The following CAB39 variants were observed in gnomAD, a reference collection of about 807,000 sequenced individuals.
CAB39 encodes calcium binding protein 39.
Under a neutral mutation model 40.0 loss-of-function variants are expected in CAB39, and 8 were observed. The observed-to-expected ratio is 0.20, with a 90% CI of 0.12 to 0.36. The LOEUF (loss-of-function observed/expected upper bound fraction) is 0.36. Among genes scored for constraint, CAB39 ranks in the 10% least tolerant of loss-of-function variants. The probability of loss-of-function intolerance (pLI) is 1.00; values close to 1 mark genes in which losing one functional copy is unlikely to be tolerated. For synonymous variants in CAB39, 156 were observed against 141.6 expected (o/e 1.10, Z -0.72); for missense variants, 270 against 401.1 (o/e 0.67, Z 2.79).
At position 230,818,743 on chromosome 2, in the gene CAB39, T is replaced by C. The variant is rs1367164753; in HGVS notation, c.*39T>C. ...TCTATGTTAAATCCAAATTCAGCAT[T>C]TGCTGTTAGCTATTCAGCATCAGGC... On this transcript the variant is annotated 3_prime_UTR_variant, in exon 9 of 9. Transcript: ENST00000258418. 8 of 1,529,702 alleles carry C rather than the reference T, an allele frequency of 5.2e-6. No individual in the cohort carries two copies. The highest frequency in any genetic ancestry group is 7.2e-6 in the Non-Finnish European group (8 of 1,108,396). The allele number at this position is 1,529,702 out of a possible 1,614,324, so 94.8% of individuals were successfully genotyped here.
intron 1 of CAB39, among the ~76,000 whole-genome samples, chr2:230,741,032 T>G (rs1177588452): frequency 6.6e-6 from 1 of 152,200 alleles, no homozygotes; most frequent in Admixed American, 6.5e-5. Flanking sequence ...GGATCCAGTT[T>G]GGAGCACCAC....
chr2:230,760,599 T>C (rs996957345), intron 2 of CAB39, among the ~76,000 whole-genome samples: 3 of 152,226 alleles, frequency 2.0e-5, no homozygotes, highest in Non-Finnish European at 4.4e-5. Flanking sequence ...ACTTGAGAGC[T>C]ATAAGTGCCA....
rs116766940 is a variant in CAB39, at chr2:230,764,960, C to T, written c.114+4845C>T. On this transcript the variant is annotated intron_variant, in intron 2 of 8. Coordinates refer to ENST00000258418, the MANE Select transcript of CAB39 (RefSeq NM_016289.4). Reference sequence around the variant, plus strand: ...AAGATTTAATAAAATTAAATTTTTACTGCTTCAGGAACATTCCTAAGTTGG... The same window carrying T: ...AAGATTTAATAAAATTAAATTTTTATTGCTTCAGGAACATTCCTAAGTTGG... Among the ~76,000 whole-genome samples the T allele has an allele frequency of 4.2e-3, 639 of 152,234 alleles. 1 individual carries two copies. The highest frequency in any genetic ancestry group is 0.014 in the African/African-American group (586 of 41,552).
chr2:230,810,373 C>T (rs759379530), intron 6 of CAB39, 51 bp downstream of exon 6: 13 of 696,122 alleles, frequency 1.9e-5, no homozygotes, highest in Non-Finnish European at 2.6e-5. Flanking sequence ...CTTTTGTTAC[C>T]AGAAATGAAA....
chr2:230,774,554 G>A (rs778163843), intron 2 of CAB39, among the ~76,000 whole-genome samples: 1 of 152,056 alleles, frequency 6.6e-6, no homozygotes. Context: ...CGCACTCTTC[G>A]CCCACCACAT....
At chr2:230,766,569 T>C (rs1228234794) in intron 2 of CAB39, among the ~76,000 whole-genome samples, 3 of 152,192 alleles carry the variant, frequency 2.0e-5, no homozygotes, top group African/African-American at 7.2e-5. Context: ...AGGGTCTCAC[T>C]CTATCACTTA....
intron 5 of CAB39, among the ~76,000 whole-genome samples, chr2:230,805,970 A>G (rs1696186444): frequency 6.6e-6 from 1 of 152,244 alleles, no homozygotes. Flanking sequence ...AGGACAGCAG[A>G]TAACAGAGGA....
intron 7 of CAB39, among the ~76,000 whole-genome samples, chr2:230,815,355 A>T (rs1575966443): frequency 6.6e-6 from 1 of 152,360 alleles, no homozygotes; most frequent in South Asian, 2.1e-4. Context: ...GGGGTTGGAC[A>T]GAACTTCCTG....
chr2:230,814,750 A>G (rs1475522265), intron 7 of CAB39, among the ~76,000 whole-genome samples: 1 of 152,088 alleles, frequency 6.6e-6, no homozygotes, highest in South Asian at 2.1e-4. Context: ...CAGAGACCCT[A>G]TGTTCTGCAA....
intron 1 of CAB39, among the ~76,000 whole-genome samples, chr2:230,745,086 T>C (rs1694949410): frequency 1.3e-5 from 2 of 152,246 alleles, no homozygotes; most frequent in Admixed American, 1.3e-4. Context: ...CATAAGTGTT[T>C]TTAAACAATA....
intron 1 of CAB39, among the ~76,000 whole-genome samples, chr2:230,736,113 C>T (rs1304246604): frequency 6.6e-6 from 1 of 152,190 alleles, no homozygotes; most frequent in East Asian, 1.9e-4. Flanking sequence ...TTTTGCTGCA[C>T]ATTGTACATG....
At chr2:230,713,423 C>T (rs2459923) in intron 1 of CAB39, 193 bp downstream of exon 1, 7,612 of 152,388 alleles carry the variant, frequency 0.05, 281 homozygotes, top group East Asian at 0.091. Context: ...GGCTCCGGTC[C>T]CTCGCTGAGA....
chr2:230,717,301 A>G (rs1007731337), intron 1 of CAB39, among the ~76,000 whole-genome samples: 1 of 152,214 alleles, frequency 6.6e-6, no homozygotes, highest in Admixed American at 6.5e-5. Context: ...AAATTTGCAT[A>G]GCAATTTAGT....
At chr2:230,760,282 G>T (rs575394331) in intron 2 of CAB39, among the ~76,000 whole-genome samples, 167 bp downstream of exon 2, 9 of 152,132 alleles carry the variant, frequency 5.9e-5, no homozygotes, top group African/African-American at 2.2e-4. Context: ...CTGTATTTTC[G>T]TCTAACAAAT....
rs867967212 is a variant in CAB39 at position 230,782,112 on chromosome 2, C to T, written c.115-8760C>T. Among the ~76,000 whole-genome samples, 9 of 152,146 alleles carry T rather than the reference C, an allele frequency of 5.9e-5. No homozygotes were observed. In the South Asian group the frequency reaches 6.2e-4, roughly 11 times the overall value. On this transcript the variant is annotated intron_variant, in intron 2 of 8. Transcript: ENST00000258418. ...AACTCCTGACCTCAGGTGGTCCGCC[C>T]GGCTCGGCCTCTGAAAGTGCTAGGA...
chr2:230,780,092 A>T (rs1468803380), intron 2 of CAB39, among the ~76,000 whole-genome samples: 1 of 152,208 alleles, frequency 6.6e-6, no homozygotes, highest in Admixed American at 6.5e-5. Context: ...ATGAGGCCAC[A>T]GAACTGGCAC....
At chr2:230,748,796 G>A (rs1422779976) in intron 1 of CAB39, among the ~76,000 whole-genome samples, 1 of 105,882 alleles carries the variant, frequency 9.4e-6, no homozygotes, top group African/African-American at 3.4e-5. Context: ...AATAGAGTGA[G>A]ATTCTATTTC....
At chr2:230,816,266 A>G (rs760550151) in intron 7 of CAB39, among the ~76,000 whole-genome samples, 1 of 152,244 alleles carries the variant, frequency 6.6e-6, no homozygotes, top group Non-Finnish European at 1.5e-5. Context: ...GAGTGAGACT[A>G]TCTCAAAAAA....
chr2:230,743,843 A>G (rs1167448584), intron 1 of CAB39, among the ~76,000 whole-genome samples: 7 of 151,354 alleles, frequency 4.6e-5, no homozygotes, highest in African/African-American at 1.7e-4. Flanking sequence ...TCAGGTAAGT[A>G]TGTGTATGTG....
Sources: gnomAD v4.1 joint callset for allele counts (sites outside exome capture counted in the v4.1 genomes callset) on GRCh38, gnomAD v4.1.1 for gene constraint, MANE v1.5 for transcripts, NCBI Gene and HGNC (gene_info 2026-07-23, HGNC 2026-07-21) for gene names.